PAMR1: variants seen among roughly 807,000 people sequenced by gnomAD.
The protein encoded by PAMR1 is inactive serine protease PAMR1.
In PAMR1, 88 loss-of-function variants were observed where a neutral mutation model predicts 81.8. That is an observed-to-expected ratio of 1.08 (90% CI 0.91 to 1.28). The LOEUF is 1.28. Ranked by LOEUF, PAMR1 falls within the 50% of genes most tolerant of loss-of-function variation. PAMR1 has a pLI of 0.00. For missense variants in PAMR1, 935 were observed against 919.7 expected (o/e 1.02, Z -0.21); for synonymous variants, 336 against 345.3 (o/e 0.97, Z 0.30).
At chr11:35,451,803 T>TA (rs1278176012) in intron 6 of PAMR1, 5 of 611,018 alleles carry the variant, frequency 8.2e-6, no homozygotes, top group African/African-American at 5.7e-5. Flanking sequence ...AGTGACTTTG[T>TA]AAAAAAGAAC....
chr11:35,525,713 G>T (rs867896694), upstream of PAMR1: 144 of 740,016 alleles, frequency 1.9e-4, 1 homozygote, highest in Middle Eastern at 1.8e-3. Flanking sequence ...GTTTCAGCTC[G>T]CCAGGCTCTC....
intron 1 of PAMR1, among the ~76,000 whole-genome samples, chr11:35,524,892 C>T (rs1851356082): frequency 6.6e-6 from 1 of 152,218 alleles, no homozygotes; most frequent in African/African-American, 2.4e-5. Context: ...AAACCCTATG[C>T]ATCCCAGAAA....
intron 6 of PAMR1, among the ~76,000 whole-genome samples, chr11:35,446,548 A>C (rs967393981): frequency 1.3e-5 from 2 of 152,090 alleles, no homozygotes; most frequent in African/African-American, 4.8e-5. Context: ...GTTTGTTCTC[A>C]TTGGTTTCAA....
At chr11:35,446,780 G>A (rs1404437700) in intron 6 of PAMR1, among the ~76,000 whole-genome samples, 1 of 152,188 alleles carries the variant, frequency 6.6e-6, no homozygotes, top group African/African-American at 2.4e-5. Context: ...CAGAGTAAGT[G>A]CTATGTGGCA....
At chr11:35,520,191 T>G (rs569826848) in intron 1 of PAMR1, among the ~76,000 whole-genome samples, 32 of 152,210 alleles carry the variant, frequency 2.1e-4, no homozygotes, top group African/African-American at 7.7e-4. Flanking sequence ...TCATCAAGGG[T>G]AAAGATGCCT....
At chr11:35,464,517 T>A (rs530139715) in intron 6 of PAMR1, among the ~76,000 whole-genome samples, 3 of 152,268 alleles carry the variant, frequency 2.0e-5, no homozygotes, top group African/African-American at 7.2e-5. Flanking sequence ...ACCCACTAGA[T>A]GCCAGCAGCA....
At chr11:35,458,335 C>T (rs1341513246) in intron 6 of PAMR1, among the ~76,000 whole-genome samples, 4 of 152,158 alleles carry the variant, frequency 2.6e-5, no homozygotes, top group African/African-American at 9.7e-5. Context: ...TGTTCTTGTT[C>T]AGCTTCCAAA....
At chr11:35,517,902 T>G (rs541496422) in intron 1 of PAMR1, among the ~76,000 whole-genome samples, 2 of 152,350 alleles carry the variant, frequency 1.3e-5, no homozygotes, top group South Asian at 2.1e-4. Context: ...GCATGTGTGA[T>G]TCCAAGTGTA....
At chr11:35,454,664 C>T (rs1298926475) in intron 6 of PAMR1, among the ~76,000 whole-genome samples, 1 of 152,170 alleles carries the variant, frequency 6.6e-6, no homozygotes, top group Non-Finnish European at 1.5e-5. Context: ...TTCCCTCAGT[C>T]TCACTCCTGG....
intron 1 of PAMR1, among the ~76,000 whole-genome samples, chr11:35,511,116 G>A (rs996401155): frequency 6.6e-6 from 1 of 152,158 alleles, no homozygotes; most frequent in African/African-American, 2.4e-5. Flanking sequence ...GTAAACAAAT[G>A]AATGAATGAG....
chr11:35,458,626 C>A (rs1856584786), intron 6 of PAMR1, among the ~76,000 whole-genome samples: 1 of 152,154 alleles, frequency 6.6e-6, no homozygotes, highest in African/African-American at 2.4e-5. Context: ...TGTCATCTAA[C>A]TGGTAGTAAG....
chr11:35,492,670 T>C (rs1355997993), intron 2 of PAMR1, among the ~76,000 whole-genome samples: 1 of 152,200 alleles, frequency 6.6e-6, no homozygotes, highest in African/African-American at 2.4e-5. Context: ...TTGAATTTCA[T>C]AATAGACAGT....
At chr11:35,525,954 T>G, upstream of PAMR1, 2 of 259,940 alleles carry the variant, frequency 7.7e-6, no homozygotes, top group East Asian at 8.6e-5. Context: ...GGAGCAGAGG[T>G]ACCCAGGGCT....
chr11:35,476,935 C>T (rs1007195236), intron 3 of PAMR1, among the ~76,000 whole-genome samples: 4 of 151,984 alleles, frequency 2.6e-5, no homozygotes, highest in Admixed American at 2.0e-4. Flanking sequence ...ACCTAGAAGG[C>T]TCATCTTCTT....
At chr11:35,492,600 A>C (rs1004584743) in intron 2 of PAMR1, among the ~76,000 whole-genome samples, 3 of 152,228 alleles carry the variant, frequency 2.0e-5, no homozygotes, top group African/African-American at 7.2e-5. Flanking sequence ...GCCTATATAC[A>C]CATACATGTT....
chr11:35,483,998 A>G (rs950378804), intron 3 of PAMR1, among the ~76,000 whole-genome samples: 3 of 152,138 alleles, frequency 2.0e-5, no homozygotes, highest in Non-Finnish European at 4.4e-5. Flanking sequence ...CTCTGGCCCT[A>G]TATTGATTTC....
At chr11:35,482,740 A>G (rs114611908) in intron 3 of PAMR1, among the ~76,000 whole-genome samples, 2,405 of 152,102 alleles carry the variant, frequency 0.016, 61 homozygotes, top group African/African-American at 0.055. Flanking sequence ...TCTCTTTAAG[A>G]GGTAGTTAAT....
chr11:35,468,643 A>G (rs1005171190), intron 5 of PAMR1, among the ~76,000 whole-genome samples: 1 of 152,232 alleles, frequency 6.6e-6, no homozygotes, highest in Non-Finnish European at 1.5e-5. Flanking sequence ...CAAATATGTT[A>G]GGGAAATGTT....
intron 7 of PAMR1, 74 bp from the exon 8 acceptor site, chr11:35,439,767 A>G: frequency 7.7e-7 from 1 of 1,291,820 alleles, no homozygotes; most frequent in South Asian, 1.2e-5. Flanking sequence ...TCAGATTCAT[A>G]CCTGACCCCC....
Sources: gnomAD v4.1 joint callset for allele counts (sites outside exome capture counted in the v4.1 genomes callset) on GRCh38, gnomAD v4.1.1 for gene constraint, MANE v1.5 for transcripts, NCBI Gene and HGNC (gene_info 2026-07-23, HGNC 2026-07-21) for gene names.